Variants in ACADSB observed in about 807,000 individuals in gnomAD.
ACADSB encodes the protein acyl-CoA dehydrogenase short/branched chain, also known as short/branched chain specific acyl-CoA dehydrogenase, mitochondrial.
ACADSB carries 40 observed loss-of-function variants against 54.1 expected under a neutral mutation model. That is an observed-to-expected ratio of 0.74 (90% CI 0.57 to 0.96). The LOEUF (loss-of-function observed/expected upper bound fraction) is 0.96. Ranked by LOEUF, ACADSB falls within the 40% of genes least tolerant of loss-of-function variation. The pLI is 0.00. For missense variants in ACADSB, 530 were observed against 510.4 expected (o/e 1.04, Z -0.37); for synonymous variants, 182 against 182.8 (o/e 1.00, Z 0.03).
rs1202442683 is a variant in ACADSB at position 123,041,397 on chromosome 10, ATTTC to A, written c.681+26_681+29del. The A allele has an allele frequency of 6.2e-7, 1 of 1,613,604 alleles. No homozygotes were observed. The highest frequency in any genetic ancestry group is 8.5e-7 in the Non-Finnish European group (1 of 1,179,640). On this transcript the variant is annotated intron_variant, in intron 5 of 10. Coordinates refer to ENST00000358776, the MANE Select transcript of ACADSB (RefSeq NM_001609.4). ...CTACCATTGTAAGTTTGAAAACGAA[ATTTC>A]TTTCTTTTTCCAAACCCCTTCTTTT...
intron 1 of ACADSB, among the ~76,000 whole-genome samples, chr10:123,022,277 A>G (rs2133461692): frequency 6.6e-6 from 1 of 152,344 alleles, no homozygotes; most frequent in East Asian, 1.9e-4. Context: ...AGAATCAGCA[A>G]ATGGTAAATG....
rs762895892 is a variant in ACADSB at position 123,037,852 on chromosome 10, A to T, written c.303+5A>T. 1.9e-6 allele frequency: 3 copies of T among 1,540,322 alleles called. No homozygotes were observed. The African/African-American group carries it at 4.1e-5, about 21-fold the overall frequency. On this transcript the variant is annotated splice_donor_5th_base_variant and intron_variant, in intron 3 of 10. Coordinates refer to ENST00000358776, the MANE Select transcript of ACADSB (RefSeq NM_001609.4). ...CAAGGATTATTTCAACAAGGGGTAC[A>T]TTTCATAATTCTTCCACTTTCAAGC...
In ACADSB at chr10:123,056,337, T is replaced by C; in HGVS notation, c.*2572T>C. The C allele has an allele frequency of 8.6e-6, 2 of 233,510 alleles. No individual in the cohort carries two copies. Among genetic ancestry groups the C allele is most frequent in the South Asian group, 1.1e-4 (2 of 17,540 alleles). The allele number at this position is 233,510 out of a possible 1,614,324, so 14.5% of individuals were successfully genotyped here. On this transcript the variant is annotated 3_prime_UTR_variant, in exon 11 of 11. Coordinates refer to ENST00000358776, the MANE Select transcript of ACADSB (RefSeq NM_001609.4). ...CGTACATGGTGGTGGCAAGAGAAAATGAAGAAGAAGCAAAAGTGGAAACCC... is the reference window on the plus strand; with the variant it reads ...CGTACATGGTGGTGGCAAGAGAAAACGAAGAAGAAGCAAAAGTGGAAACCC...
chr10:123,057,174 A>T lies in ACADSB; in HGVS notation c.*3409A>T, dbSNP rs568844573. 53 of 152,246 alleles carry T rather than the reference A, an allele frequency of 3.5e-4. No homozygotes were observed. The highest frequency in any genetic ancestry group is 6.6e-4 in the Non-Finnish European group (45 of 68,046). The allele number at this position is 152,246 out of a possible 1,614,324, so 9.4% of individuals were successfully genotyped here. A position where few individuals can be genotyped will look rare whatever the true frequency, so the allele number is the denominator to read the frequency against. ...TCCCAACTTCTTCCCATAGAATTAG[A>T]AACATGTGAAAGTACAATAAACTTC... On this transcript the variant is annotated 3_prime_UTR_variant, in exon 11 of 11. Coordinates refer to ENST00000358776, the MANE Select transcript of ACADSB (RefSeq NM_001609.4).
At chr10:123,009,223 A>C in intron 1 of ACADSB, 152 bp downstream of exon 1, 1 of 891,458 alleles carries the variant, frequency 1.1e-6, no homozygotes, top group Non-Finnish European at 1.7e-6. Context: ...CGGGCAGTCT[A>C]TGACCCCGAC....
At chr10:123,013,250 C>T (rs1467782466) in intron 1 of ACADSB, among the ~76,000 whole-genome samples, 1 of 151,980 alleles carries the variant, frequency 6.6e-6, no homozygotes, top group African/African-American at 2.4e-5. Context: ...CTTCAAGTCA[C>T]CACCAGATTA....
intron 5 of ACADSB, 106 bp downstream of exon 5, chr10:123,041,485 T>C (rs1403024807): frequency 1.7e-6 from 2 of 1,192,260 alleles, no homozygotes; most frequent in Non-Finnish European, 2.5e-6. Context: ...TTGAACTCTT[T>C]AGTCTTCTCA....
intron 1 of ACADSB, among the ~76,000 whole-genome samples, chr10:123,012,982 G>A (rs576612549): frequency 6.6e-6 from 1 of 152,184 alleles, no homozygotes; most frequent in East Asian, 1.9e-4. Context: ...CACTAGATTA[G>A]CTAGATACAG....
chr10:123,028,174 C>T (rs756650031), intron 1 of ACADSB, among the ~76,000 whole-genome samples: 3 of 152,204 alleles, frequency 2.0e-5, no homozygotes, highest in Admixed American at 1.3e-4. Flanking sequence ...GGGGAGGCTA[C>T]ACACTGATTT....
intron 7 of ACADSB, among the ~76,000 whole-genome samples, chr10:123,045,279 T>C (rs1257919598): frequency 1.1e-3 from 161 of 144,592 alleles, no homozygotes; most frequent in African/African-American, 4.0e-3. Context: ...CCTGGGTTCA[T>C]GCCATTCTCC....
chr10:123,010,818 T>C (rs1850023554), intron 1 of ACADSB, among the ~76,000 whole-genome samples: 1 of 152,192 alleles, frequency 6.6e-6, no homozygotes. Flanking sequence ...AGTTTATCTT[T>C]TAGAGGAAAG....
intron 8 of ACADSB, 81 bp from the exon 9 acceptor site, chr10:123,050,968 G>T: frequency 6.8e-7 from 1 of 1,472,684 alleles, no homozygotes; most frequent in East Asian, 2.3e-5. Flanking sequence ...TGTCAGTGTT[G>T]TGTATCTAGG....
intron 9 of ACADSB, among the ~76,000 whole-genome samples, chr10:123,051,766 A>C (rs909160075): frequency 2.0e-5 from 3 of 152,190 alleles, no homozygotes; most frequent in African/African-American, 7.2e-5. Flanking sequence ...TATTCATTCC[A>C]TGGCTTTAAA....
intron 1 of ACADSB, among the ~76,000 whole-genome samples, chr10:123,012,347 C>T (rs940732186): frequency 2.0e-5 from 3 of 152,054 alleles, no homozygotes; most frequent in African/African-American, 7.2e-5. Flanking sequence ...TGAATGTGTC[C>T]CCCAAAATTC....
In ACADSB at chr10:123,042,407, A is replaced by G. The variant is rs1362203864; in HGVS notation, c.682-639A>G. The stretch of plus-strand genomic sequence containing the variant: ...AAAATAATAAATACATTTTTTCACC[A>G]GTAAATACAGTATTTTCACTAATGT... On this transcript the variant is annotated intron_variant, in intron 5 of 10. Coordinates refer to ENST00000358776, the MANE Select transcript of ACADSB (RefSeq NM_001609.4). 4.0e-5 allele frequency among the ~76,000 whole-genome samples: 6 copies of G among 151,866 alleles called. No homozygotes were observed. In the East Asian group the frequency reaches 1.2e-3, roughly 29 times the overall value.
intron 1 of ACADSB, among the ~76,000 whole-genome samples, chr10:123,014,126 G>A (rs1850081795): frequency 6.6e-6 from 1 of 152,046 alleles, no homozygotes; most frequent in Non-Finnish European, 1.5e-5. Flanking sequence ...CTCATTAAAG[G>A]ACAACTTTGG....
chr10:123,041,136 T>C (rs1360355437), intron 4 of ACADSB, 73 bp from the exon 5 acceptor site: 1 of 1,501,318 alleles, frequency 6.7e-7, no homozygotes, highest in East Asian at 2.3e-5. Flanking sequence ...AAATGTCCAT[T>C]TTTCCATAAG....
In ACADSB at chr10:123,047,240, A is replaced by G; in HGVS notation, c.932A>G (p.Tyr311Cys). ...MLGLAQGCFD[Y>C]TIPYIKERIQ... The stretch of plus-strand genomic sequence containing the variant: ...GGACTGGCGCAAGGATGTTTTGACT[A>G]CACTATTCCATATATTAAAGAAAGG... The change falls in exon 8 of 11, where the codon TAC becomes TGC. Residue 311 changes from tyrosine to cysteine, a missense_variant. Transcript: ENST00000358776. 1 of 1,609,502 alleles carries G rather than the reference A, an allele frequency of 6.2e-7. No individual in the cohort carries two copies. Among genetic ancestry groups the G allele is most frequent in the Non-Finnish European group, 8.5e-7 (1 of 1,175,728 alleles).
At chr10:123,009,479 C>T (rs1206045501) in intron 1 of ACADSB, among the ~76,000 whole-genome samples, 2 of 152,290 alleles carry the variant, frequency 1.3e-5, no homozygotes, top group African/African-American at 4.8e-5. Context: ...CACACCCCCT[C>T]CCCCAAAAAA....
Sources: allele counts gnomAD v4.1 joint callset (sites outside exome capture counted in the v4.1 genomes callset), GRCh38; gene constraint gnomAD v4.1.1; transcripts MANE v1.5; gene names NCBI Gene and HGNC (gene_info 2026-07-23, HGNC 2026-07-21).